CCDC73: variants seen among roughly 807,000 people sequenced by gnomAD.
CCDC73 encodes the protein coiled-coil domain-containing protein 73.
Under a neutral mutation model 116.5 loss-of-function variants are expected in CCDC73, and 95 were observed. That is an observed-to-expected ratio of 0.82 (90% CI 0.69 to 0.97). The LOEUF is 0.97. Ranked by LOEUF, CCDC73 falls within the 50% of genes least tolerant of loss-of-function variation. The pLI, the probability that CCDC73 is intolerant of heterozygous loss-of-function variation, is 0.00. For missense variants in CCDC73, 1,066 were observed against 1,206.8 expected, an observed-to-expected ratio of 0.88 and a Z score of 1.73; for synonymous variants, 398 against 401.3, an observed-to-expected ratio of 0.99 and a Z score of 0.10.
intron 1 of CCDC73, among the ~76,000 whole-genome samples, chr11:32,768,023 G>A (rs1428251688): frequency 2.6e-5 from 4 of 152,182 alleles, no homozygotes; most frequent in African/African-American, 4.8e-5. Flanking sequence ...ACATGCACAC[G>A]TATGGTTATT....
intron 14 of CCDC73, among the ~76,000 whole-genome samples, chr11:32,627,233 T>C (rs1855584098): frequency 6.6e-6 from 1 of 152,204 alleles, no homozygotes; most frequent in Non-Finnish European, 1.5e-5. Flanking sequence ...TCATCATCAC[T>C]GGCCATCAGA....
At chr11:32,745,953 T>A (rs1850235113) in intron 2 of CCDC73, among the ~76,000 whole-genome samples, 2 of 152,184 alleles carry the variant, frequency 1.3e-5, no homozygotes, top group South Asian at 4.1e-4. Flanking sequence ...TATGTGTGAA[T>A]TTGATTCTGT....
intron 7 of CCDC73, among the ~76,000 whole-genome samples, chr11:32,676,465 T>G (rs1451753651): frequency 2.0e-5 from 3 of 152,238 alleles, no homozygotes; most frequent in Non-Finnish European, 4.4e-5. Context: ...ATAATTTCAA[T>G]GTACACTACC....
At chr11:32,624,399 A>T (rs928857699) in intron 14 of CCDC73, among the ~76,000 whole-genome samples, 3 of 152,174 alleles carry the variant, frequency 2.0e-5, no homozygotes, top group Non-Finnish European at 2.9e-5. Context: ...TGACCCAGCA[A>T]TACCATTTCT....
At chr11:32,827,805 C>T in the CCDC73 span, among the ~76,000 whole-genome samples, 1 of 152,188 alleles carries the variant, frequency 6.6e-6, no homozygotes, top group Non-Finnish European at 1.5e-5. Flanking sequence ...ATTAAGTTCT[C>T]CTCCACAACA....
At chr11:32,702,788 G>A in intron 4 of CCDC73, 85 bp downstream of exon 4, 1 of 925,672 alleles carries the variant, frequency 1.1e-6, no homozygotes. Flanking sequence ...GGTGACTATG[G>A]AGAACAGCTT....
intron 17 of CCDC73, among the ~76,000 whole-genome samples, chr11:32,610,576 C>A (rs1855411613): frequency 6.6e-6 from 1 of 152,120 alleles, no homozygotes; most frequent in African/African-American, 2.4e-5. Context: ...AACCAGATAA[C>A]CTTCCTGCTA....
chr11:32,605,431 T>C (rs1855336628), intron 17 of CCDC73: 1 of 152,240 alleles, frequency 6.6e-6, no homozygotes, highest in South Asian at 2.1e-4. Context: ...TTCAGTTTAC[T>C]CATTAGCTTC....
intron 1 of CCDC73, among the ~76,000 whole-genome samples, chr11:32,781,781 C>T (rs1850586573): frequency 6.6e-6 from 1 of 152,202 alleles, no homozygotes; most frequent in Non-Finnish European, 1.5e-5. Flanking sequence ...CCAATAGCTG[C>T]TAACAGCCAG....
At chr11:32,729,433 A>G (rs931859917) in intron 2 of CCDC73, among the ~76,000 whole-genome samples, 3 of 152,136 alleles carry the variant, frequency 2.0e-5, no homozygotes, top group Non-Finnish European at 2.9e-5. Flanking sequence ...ATGGGCTTTT[A>G]GGTTGATTCC....
chr11:32,650,598 G>A (rs1855817861), intron 12 of CCDC73, among the ~76,000 whole-genome samples: 1 of 152,118 alleles, frequency 6.6e-6, no homozygotes, highest in East Asian at 1.9e-4. Flanking sequence ...CTAACAGCTG[G>A]ACTTTCAGAG....
intron 2 of CCDC73, 50 bp from the exon 3 acceptor site, chr11:32,718,197 C>T: frequency 2.4e-6 from 3 of 1,271,492 alleles, no homozygotes; most frequent in Non-Finnish European, 3.3e-6. Flanking sequence ...GACTTTAAAA[C>T]TTCCAGTTTC....
intron 16 of CCDC73, among the ~76,000 whole-genome samples, chr11:32,613,147 A>G (rs1409002200): frequency 6.6e-6 from 1 of 152,228 alleles, no homozygotes; most frequent in East Asian, 1.9e-4. Flanking sequence ...GAAAGACAAC[A>G]TAGGAGAGAA....
At chr11:32,782,108 T>G (rs1850589641) in intron 1 of CCDC73, among the ~76,000 whole-genome samples, 1 of 152,170 alleles carries the variant, frequency 6.6e-6, no homozygotes, top group African/African-American at 2.4e-5. Flanking sequence ...ATCTAATGCA[T>G]GATGATCTGT....
the CCDC73 span, among the ~76,000 whole-genome samples, chr11:32,818,303 C>G: frequency 2.0e-5 from 3 of 152,186 alleles, no homozygotes; most frequent in Non-Finnish European, 4.4e-5. Flanking sequence ...TATGTTAGCT[C>G]AAATCCTGGC....
At chr11:32,703,844 T>C (rs1173380660) in intron 3 of CCDC73, among the ~76,000 whole-genome samples, 1 of 152,246 alleles carries the variant, frequency 6.6e-6, no homozygotes, top group African/African-American at 2.4e-5. Context: ...TTAACATTCT[T>C]CTTCTATTTT....
intron 2 of CCDC73, chr11:32,758,302 C>G: frequency 2.0e-6 from 1 of 492,012 alleles, no homozygotes; most frequent in South Asian, 1.5e-5. Context: ...CATGGGCTTT[C>G]CTACAATACA....
rs537724239 is a variant in CCDC73 at position 32,747,353 on chromosome 11, T to C, written c.135+12756A>G. 2.0e-5 allele frequency among the ~76,000 whole-genome samples: 3 copies of C among 152,252 alleles called. No individual in the cohort carries two copies. In the South Asian group the frequency reaches 6.2e-4, roughly 32 times the overall value. ...CCTATATGAGGTGTCTGTTGGTCCC[T>C]ACTGGGAGATCTCCCAGTCAGGCTA... On this transcript the variant is annotated intron_variant, in intron 2 of 17. Transcript: ENST00000335185.
At chr11:32,676,366 T>G (rs1157298393) in intron 7 of CCDC73, among the ~76,000 whole-genome samples, 1 of 152,212 alleles carries the variant, frequency 6.6e-6, no homozygotes, top group Non-Finnish European at 1.5e-5. Flanking sequence ...CTTTTGGTAC[T>G]TTACGAGGTA....
Sources: gnomAD v4.1 joint callset for allele counts (sites outside exome capture counted in the v4.1 genomes callset) on GRCh38, gnomAD v4.1.1 for gene constraint, MANE v1.5 for transcripts, NCBI Gene and HGNC (gene_info 2026-07-23, HGNC 2026-07-21) for gene names.